Variants in PACS1 observed in about 807,000 individuals in gnomAD.
PACS1 encodes the protein phosphofurin acidic cluster sorting protein 1, also known as PACS-1.
In PACS1, 24 loss-of-function variants were observed where a neutral mutation model predicts 115.0. That is an observed-to-expected ratio of 0.21 (90% CI 0.15 to 0.29). PACS1 has a LOEUF of 0.29. Among genes scored for constraint, PACS1 ranks in the 10% least tolerant of loss-of-function variants. The pLI is 1.00. For missense variants in PACS1, 838 were observed against 1,251.2 expected, an observed-to-expected ratio of 0.67 and a Z score of 4.98; for synonymous variants, 453 against 504.5, an observed-to-expected ratio of 0.90 and a Z score of 1.37.
intron 16 of PACS1, 86 bp downstream of exon 16, chr11:66,234,025 GC>G: frequency 6.4e-7 from 1 of 1,566,234 alleles, no homozygotes; most frequent in Non-Finnish European, 8.7e-7. Context: ...TGGGGTTGGG[GC>G]CTAGGAAGGG....
Position 66,070,715 on chromosome 11 carries a change from G to A in PACS1, c.229G>A (p.Ala77Thr). 2.5e-6 allele frequency: 4 copies of A among 1,574,636 alleles called. No individual in the cohort carries two copies. Among genetic ancestry groups the A allele is most frequent in the Non-Finnish European group, 3.4e-6 (4 of 1,168,264 alleles). ...GTCCTCGTCTACCTCCACCTCCATG[G>A]CCGTGGCGGTGGCCTCGGGCTCCGC... ...SSSSSTSTSM[A>T]VAVASGSAPP... Residue 77 changes from alanine to threonine, a missense_variant, in exon 1 of 24, where the codon GCC becomes ACC. Coordinates refer to ENST00000320580, the MANE Select transcript of PACS1 (RefSeq NM_018026.4). The surrounding 1 kb of genome is among the most constrained non-coding windows in gnomAD (Gnocchi z 5.9).
chr11:66,173,141 C>T (rs1176966550), intron 1 of PACS1, among the ~76,000 whole-genome samples: 1 of 145,186 alleles, frequency 6.9e-6, no homozygotes, highest in Non-Finnish European at 1.5e-5. Context: ...CTATGTTGCT[C>T]AGTCTGGTCT....
At chr11:66,218,244 C>T (rs536487689) in intron 7 of PACS1, 3 of 152,310 alleles carry the variant, frequency 2.0e-5, no homozygotes, top group Non-Finnish European at 2.9e-5. Flanking sequence ...TTGTTTTCAT[C>T]CCCAGATGGC....
intron 1 of PACS1, among the ~76,000 whole-genome samples, chr11:66,132,748 A>T (rs1326467927): frequency 4.6e-5 from 7 of 152,170 alleles, no homozygotes; most frequent in Admixed American, 3.9e-4. Flanking sequence ...TGCTCACTGC[A>T]ACCTCCGCCT....
rs1855638265 is a variant in PACS1 at position 66,233,279 on chromosome 11, GCTCCCTGC to G, written c.1838+224_1838+231del. Among the ~76,000 whole-genome samples the G allele has an allele frequency of 6.6e-6, 1 of 152,112 alleles. No individual in the cohort carries two copies. Among genetic ancestry groups the G allele is most frequent in the African/African-American group, 2.4e-5 (1 of 41,422 alleles). On this transcript the variant is annotated intron_variant, in intron 15 of 23. Coordinates refer to ENST00000320580, the MANE Select transcript of PACS1 (RefSeq NM_018026.4). This position sits in a 1 kb window ranked among gnomAD's most constrained non-coding sequence, Gnocchi z 4.5. Reference sequence around the variant, plus strand: ...CGGGGGTGGAAATATCAATTCCTGTGCTCCCTGCCTCCCTGCCTGGACCCCCGCCATGC... The same window carrying G: ...CGGGGGTGGAAATATCAATTCCTGTGCTCCCTGCCTGGACCCCCGCCATGC...
chr11:66,155,870 A>G (rs1859339833), intron 1 of PACS1, among the ~76,000 whole-genome samples: 1 of 152,128 alleles, frequency 6.6e-6, no homozygotes, highest in Admixed American at 6.6e-5. Flanking sequence ...TCCCAGTCCA[A>G]TGAGAGCTCT....
intron 1 of PACS1, among the ~76,000 whole-genome samples, chr11:66,103,909 G>GTTTT (rs1279542183): frequency 6.6e-6 from 1 of 152,016 alleles, no homozygotes; most frequent in Non-Finnish European, 1.5e-5. Context: ...GGGCAGTGCT[G>GTTTT]TTTTATCTGT....
At chr11:66,226,405 A>G (rs994068214) in intron 10 of PACS1, among the ~76,000 whole-genome samples, 1 of 152,156 alleles carries the variant, frequency 6.6e-6, no homozygotes, top group Non-Finnish European at 1.5e-5. Context: ...TATGGCAATG[A>G]TTGGAGACAT....
chr11:66,134,283 A>G (rs1415179727), intron 1 of PACS1, among the ~76,000 whole-genome samples: 3 of 12,152 alleles, frequency 2.5e-4, no homozygotes, highest in Non-Finnish European at 9.3e-4. Flanking sequence ...TTTTTTTGAG[A>G]CGGAGTCTCG....
At chr11:66,140,120 T>C (rs1164968674) in intron 1 of PACS1, among the ~76,000 whole-genome samples, 4 of 152,218 alleles carry the variant, frequency 2.6e-5, no homozygotes, top group Non-Finnish European at 5.9e-5. Flanking sequence ...CATAGCTCAG[T>C]GCTTCTCAAA....
At chr11:66,217,603 G>A (rs1354294257) in intron 7 of PACS1, 2 of 456,240 alleles carry the variant, frequency 4.4e-6, no homozygotes, top group Non-Finnish European at 8.8e-6. Flanking sequence ...ACAATGAGGT[G>A]TCACTGGACT....
At chr11:66,174,494 A>G (rs1334833175) in intron 1 of PACS1, among the ~76,000 whole-genome samples, 9 of 152,354 alleles carry the variant, frequency 5.9e-5, no homozygotes, top group African/African-American at 1.7e-4. Flanking sequence ...ATCATTATTC[A>G]TTAAAACTAA....
At position 66,236,022 on chromosome 11, in the gene PACS1, T is replaced by G. The variant is rs112737984; in HGVS notation, c.2250+82T>G. 5.7e-4 allele frequency: 732 copies of G among 1,293,746 alleles called. 5 individuals are homozygous for G. The highest frequency in any genetic ancestry group is 1.8e-4 in the Middle Eastern group (1 of 5,462). 80.1% of individuals were successfully genotyped at this position (1,293,746 alleles called of 1,614,324 possible). A position where few individuals can be genotyped will look rare whatever the true frequency, so the allele number is the denominator to read the frequency against. Reference sequence around the variant, plus strand: ...CCCCTTACACAGGAAAACAAAAGATTCATCTAGAACAGTGGTTCTCCAGAC... The same window carrying G: ...CCCCTTACACAGGAAAACAAAAGATGCATCTAGAACAGTGGTTCTCCAGAC... On this transcript the variant is annotated intron_variant, in intron 19 of 23. Coordinates refer to ENST00000320580, the MANE Select transcript of PACS1 (RefSeq NM_018026.4). This position sits in a 1 kb window ranked among gnomAD's most constrained non-coding sequence, Gnocchi z 4.2.
intron 2 of PACS1, among the ~76,000 whole-genome samples, chr11:66,205,643 A>C (rs1441587803): frequency 2.0e-5 from 3 of 151,060 alleles, no homozygotes; most frequent in Admixed American, 1.3e-4. Context: ...CTCAAATATC[A>C]CTACAATACT....
At chr11:66,073,605 C>T (rs1353520321) in intron 1 of PACS1, among the ~76,000 whole-genome samples, 1 of 152,110 alleles carries the variant, frequency 6.6e-6, no homozygotes, top group Non-Finnish European at 1.5e-5. Flanking sequence ...TGTAGTTGTT[C>T]TTCAGGTAGG....
At chr11:66,089,206 A>T (rs1371238512) in intron 1 of PACS1, among the ~76,000 whole-genome samples, 1 of 152,084 alleles carries the variant, frequency 6.6e-6, no homozygotes, top group Non-Finnish European at 1.5e-5. Flanking sequence ...TATTTTTCCC[A>T]CCACTGAATG....
intron 1 of PACS1, among the ~76,000 whole-genome samples, chr11:66,088,098 T>C (rs913207552): frequency 2.0e-5 from 3 of 152,142 alleles, no homozygotes; most frequent in African/African-American, 4.8e-5. Context: ...CTGTTTCTTA[T>C]TTACCTTTAG....
At chr11:66,218,856 C>G (rs558545863) in intron 7 of PACS1, among the ~76,000 whole-genome samples, 23 of 139,126 alleles carry the variant, frequency 1.7e-4, no homozygotes, top group Non-Finnish European at 3.2e-4. Flanking sequence ...AAGACTCCAT[C>G]TCTAAAAAAA....
chr11:66,091,511 T>G (rs1369014022), intron 1 of PACS1, among the ~76,000 whole-genome samples: 1 of 150,994 alleles, frequency 6.6e-6, no homozygotes, highest in Non-Finnish European at 1.5e-5. Flanking sequence ...TTGTTTTTTT[T>G]CTTTTTTTTT....
Sources: gnomAD v4.1 joint callset for allele counts (sites outside exome capture counted in the v4.1 genomes callset) on GRCh38, gnomAD v4.1.1 for gene constraint, Gnocchi (gnomAD v3.1) non-coding constraint, MANE v1.5 for transcripts, NCBI Gene and HGNC (gene_info 2026-07-23, HGNC 2026-07-21) for gene names.